Variants in BMPER observed in about 807,000 individuals in gnomAD.
BMPER encodes the protein BMP-binding endothelial regulator protein.
In BMPER, 45 loss-of-function variants were observed where a neutral mutation model predicts 87.3. The ratio of observed to expected loss-of-function variants is 0.52; its 90% CI spans 0.41 to 0.66. The LOEUF is 0.66. Ranked by LOEUF, BMPER falls within the 30% of genes least tolerant of loss-of-function variation. The pLI is 0.00. For synonymous variants in BMPER, 326 were observed against 316.2 expected (o/e 1.03, Z -0.33); for missense variants, 784 against 867.5 (o/e 0.90, Z 1.21).
intron 14 of BMPER, among the ~76,000 whole-genome samples, chr7:34,151,591 A>G (rs1791177845): frequency 6.6e-6 from 1 of 152,192 alleles, no homozygotes; most frequent in South Asian, 2.1e-4. Context: ...AGTGACTAGT[A>G]ATTAGCTGCT....
chr7:33,941,811 C>T (rs115666628), intron 3 of BMPER, among the ~76,000 whole-genome samples: 1,932 of 152,322 alleles, frequency 0.013, 49 homozygotes, highest in African/African-American at 0.044. Context: ...AGGTACAGAC[C>T]AGTACAGGTC....
At chr7:33,994,716 G>T (rs548023138) in intron 6 of BMPER, among the ~76,000 whole-genome samples, 2 of 152,148 alleles carry the variant, frequency 1.3e-5, no homozygotes, top group Admixed American at 1.3e-4. Context: ...GATTCTATGT[G>T]CCATGGGGGG....
intron 8 of BMPER, among the ~76,000 whole-genome samples, chr7:34,053,494 C>T (rs1302370096): frequency 6.6e-6 from 1 of 152,128 alleles, no homozygotes; most frequent in East Asian, 1.9e-4. Flanking sequence ...TCCTTATAGA[C>T]TTAACTAATA....
At chr7:33,905,767 G>GGGGCGGC in intron 1 of BMPER, 21 bp downstream of exon 1, 1 of 914,088 alleles carries the variant, frequency 1.1e-6, no homozygotes, top group Non-Finnish European at 1.7e-6. Context: ...GGGCGGGAGG[G>GGGGCGGC]ACCGGCCCTC....
intron 13 of BMPER, among the ~76,000 whole-genome samples, chr7:34,120,893 C>A (rs1213646680): frequency 6.6e-6 from 1 of 151,932 alleles, no homozygotes; most frequent in Admixed American, 6.6e-5. Flanking sequence ...TAGTGTAATA[C>A]CATGTACGTA....
At chr7:33,994,700 A>T (rs190131081) in intron 6 of BMPER, among the ~76,000 whole-genome samples, 38 of 152,286 alleles carry the variant, frequency 2.5e-4, no homozygotes, top group Non-Finnish European at 5.1e-4. Context: ...TTAGGGCGTG[A>T]TGATGGATTC....
At chr7:33,954,565 A>T (rs573552798) in intron 3 of BMPER, among the ~76,000 whole-genome samples, 1 of 152,370 alleles carries the variant, frequency 6.6e-6, no homozygotes, top group African/African-American at 2.4e-5. Flanking sequence ...TATGGGCAGC[A>T]CACCACTGAC....
intron 6 of BMPER, among the ~76,000 whole-genome samples, chr7:34,018,566 G>A (rs542232053): frequency 6.6e-5 from 10 of 152,048 alleles, no homozygotes; most frequent in Non-Finnish European, 1.5e-4. Context: ...ACACCAAGAC[G>A]AGTCGGCTGT....
At chr7:34,002,342 T>C (rs1217211787) in intron 6 of BMPER, among the ~76,000 whole-genome samples, 1 of 151,854 alleles carries the variant, frequency 6.6e-6, no homozygotes, top group East Asian at 1.9e-4. Flanking sequence ...TATTATAAAA[T>C]AGGCTTTGGG....
intron 13 of BMPER, among the ~76,000 whole-genome samples, chr7:34,108,196 T>C (rs1299480454): frequency 6.6e-6 from 1 of 152,230 alleles, no homozygotes; most frequent in Non-Finnish European, 1.5e-5. Flanking sequence ...GACGGGTTAA[T>C]GGAGATTGTT....
At chr7:34,125,709 A>G (rs1790384212) in intron 13 of BMPER, among the ~76,000 whole-genome samples, 13 of 152,212 alleles carry the variant, frequency 8.5e-5, no homozygotes, top group Admixed American at 8.5e-4. Flanking sequence ...TATCTTTCAA[A>G]TGGCCTGATT....
chr7:34,012,530 C>G (rs1324418797), intron 6 of BMPER, among the ~76,000 whole-genome samples: 1 of 151,880 alleles, frequency 6.6e-6, no homozygotes, highest in Non-Finnish European at 1.5e-5. Context: ...GTTCCTTTTC[C>G]TATTACCTGA....
chr7:34,107,239 G>T (rs143532690), intron 13 of BMPER, among the ~76,000 whole-genome samples: 1 of 152,210 alleles, frequency 6.6e-6, no homozygotes, highest in Admixed American at 6.5e-5. Flanking sequence ...TGCAGGAGAA[G>T]TTAATCAGAA....
chr7:34,000,680 A>G (rs553726909), intron 6 of BMPER, among the ~76,000 whole-genome samples: 11 of 152,244 alleles, frequency 7.2e-5, no homozygotes, highest in African/African-American at 2.6e-4. Flanking sequence ...GCATGATACT[A>G]TATTTTAAGT....
At position 33,966,564 on chromosome 7, in the gene BMPER, A is replaced by G; in HGVS notation, c.402+3A>G. The stretch of plus-strand genomic sequence containing the variant: ...CTTGTGTTCTACGCCAGTGCCAGGT[A>G]AAGTTCAATTATTTCTCTCTCCAGT... On this transcript the variant is annotated splice_donor_region_variant and intron_variant, in intron 4 of 14. Coordinates refer to ENST00000649409, the MANE Select transcript of BMPER (RefSeq NM_001365308.1). The G allele has an allele frequency of 6.2e-7, 1 of 1,612,944 alleles. No individual in the cohort carries two copies. The highest frequency in any genetic ancestry group is 8.5e-7 in the Non-Finnish European group (1 of 1,178,972).
At chr7:34,049,039 T>A (rs1788069607) in intron 7 of BMPER, among the ~76,000 whole-genome samples, 1 of 152,200 alleles carries the variant, frequency 6.6e-6, no homozygotes, top group African/African-American at 2.4e-5. Flanking sequence ...CTTTAGATGA[T>A]TGGGTGCTGT....
At chr7:34,073,715 C>A (rs1218191000) in intron 11 of BMPER, among the ~76,000 whole-genome samples, 1 of 152,070 alleles carries the variant, frequency 6.6e-6, no homozygotes, top group Non-Finnish European at 1.5e-5. Context: ...TATTTTTGAC[C>A]CCTAAAAGGA....
intron 6 of BMPER, among the ~76,000 whole-genome samples, chr7:34,001,907 A>T (rs964799438): frequency 2.0e-5 from 3 of 151,410 alleles, no homozygotes; most frequent in Non-Finnish European, 4.4e-5. Flanking sequence ...TTCTTTTGTC[A>T]TGTCTTTTTT....
chr7:34,135,472 A>G (rs1395909570), intron 13 of BMPER, among the ~76,000 whole-genome samples: 1 of 152,186 alleles, frequency 6.6e-6, no homozygotes, highest in African/African-American at 2.4e-5. Context: ...AAGAAATGTC[A>G]TAACCAGCAG....
Sources: gnomAD v4.1 joint callset for allele counts (sites outside exome capture counted in the v4.1 genomes callset) on GRCh38, gnomAD v4.1.1 for gene constraint, MANE v1.5 for transcripts, NCBI Gene and HGNC (gene_info 2026-07-23, HGNC 2026-07-21) for gene names.